Variants in EBF1 observed in about 807,000 individuals in gnomAD.
EBF1 encodes the protein EBF transcription factor 1, also known as transcription factor COE1.
In EBF1, 10 loss-of-function variants were observed where a neutral mutation model predicts 68.4. The ratio of observed to expected loss-of-function variants is 0.15; its 90% CI spans 0.09 to 0.25. The LOEUF (loss-of-function observed/expected upper bound fraction) is 0.25, where lower values mean the gene tolerates loss of function less well. EBF1 is among the 10% of genes least tolerant of loss of function. EBF1 has a pLI of 1.00. For synonymous variants in EBF1, 298 were observed against 299.8 expected, an observed-to-expected ratio of 0.99 and a Z score of 0.06; for missense variants, 509 against 794.4, an observed-to-expected ratio of 0.64 and a Z score of 4.32.
chr5:158,885,272 G>A (rs578147587), intron 6 of EBF1, among the ~76,000 whole-genome samples: 13 of 152,340 alleles, frequency 8.5e-5, no homozygotes, highest in South Asian at 6.2e-4. Flanking sequence ...TGGCTGTCAC[G>A]TGGAAGACAA....
intron 6 of EBF1, among the ~76,000 whole-genome samples, chr5:158,975,898 T>C (rs573304074): frequency 1.3e-5 from 2 of 152,300 alleles, no homozygotes; most frequent in East Asian, 3.9e-4. Context: ...CCCCATCCTC[T>C]CATTGGAGAT....
chr5:158,889,805 G>T (rs562682411), intron 6 of EBF1, among the ~76,000 whole-genome samples: 5 of 151,988 alleles, frequency 3.3e-5, no homozygotes, highest in Non-Finnish European at 7.4e-5. Context: ...TATCTATGGG[G>T]TTTCACATCC....
At chr5:158,757,208 A>T (rs1770317715) in intron 10 of EBF1, among the ~76,000 whole-genome samples, 1 of 152,146 alleles carries the variant, frequency 6.6e-6, no homozygotes, top group Non-Finnish European at 1.5e-5. Context: ...GGCATGCTAC[A>T]TGCATACATC....
At chr5:158,767,943 G>A (rs746876492) in intron 10 of EBF1, among the ~76,000 whole-genome samples, 3 of 152,082 alleles carry the variant, frequency 2.0e-5, no homozygotes, top group South Asian at 2.1e-4. Flanking sequence ...TTTAACTTAC[G>A]AAAAGTACAG....
Position 158,800,425 on chromosome 5 carries a change from T to C in EBF1, c.779-3950A>G, listed in dbSNP as rs1388098583. Reference sequence around the variant, plus strand: ...ACTGGGGTTGACAGAAAAGGAGGACTATTAACATTTATTCCCTATATATTT... The same window carrying C: ...ACTGGGGTTGACAGAAAAGGAGGACCATTAACATTTATTCCCTATATATTT... On this transcript the variant is annotated intron_variant, in intron 8 of 15. Transcript: ENST00000313708. Among the ~76,000 whole-genome samples, 4 of 152,300 alleles carry C rather than the reference T, an allele frequency of 2.6e-5. No individual in the cohort carries two copies. In the East Asian group the frequency reaches 7.7e-4, roughly 29 times the overall value.
At chr5:158,748,740 G>A (rs777688400) in intron 10 of EBF1, among the ~76,000 whole-genome samples, 2 of 152,160 alleles carry the variant, frequency 1.3e-5, no homozygotes, top group African/African-American at 2.4e-5. Context: ...CAAAATTGAC[G>A]TCCTCCCATC....
At chr5:159,015,690 C>T (rs1765494674) in intron 6 of EBF1, among the ~76,000 whole-genome samples, 1 of 152,192 alleles carries the variant, frequency 6.6e-6, no homozygotes, top group African/African-American at 2.4e-5. Flanking sequence ...CCAAAGCCCA[C>T]ATGAAGAACA....
chr5:158,908,977 C>T (rs368654059), intron 6 of EBF1, among the ~76,000 whole-genome samples: 2 of 152,338 alleles, frequency 1.3e-5, no homozygotes, highest in African/African-American at 4.8e-5. Context: ...AGTGCCCCTC[C>T]TGCCGTCTGT....
intron 6 of EBF1, among the ~76,000 whole-genome samples, chr5:159,010,913 G>A (rs974195300): frequency 2.6e-5 from 4 of 152,210 alleles, no homozygotes; most frequent in Non-Finnish European, 4.4e-5. Context: ...AGTAACCTTC[G>A]TGAATCTCCA....
At position 158,698,538 on chromosome 5, in the gene EBF1, C is replaced by T. The variant is rs1006914030; in HGVS notation, c.*573G>A. On this transcript the variant is annotated 3_prime_UTR_variant, in exon 16 of 16. Transcript: ENST00000313708. Reference sequence around the variant, plus strand: ...CATGTTAAGTTAGATATTGAAAATGCACTGTCTGAGCTAACTACCATTTGA... The same window carrying T: ...CATGTTAAGTTAGATATTGAAAATGTACTGTCTGAGCTAACTACCATTTGA... 7 of 220,914 alleles carry T rather than the reference C, an allele frequency of 3.2e-5. No individual in the cohort carries two copies. Among genetic ancestry groups the T allele is most frequent in the Admixed American group, 5.8e-5 (1 of 17,320 alleles). The allele number at this position is 220,914 out of a possible 1,614,324, so 13.7% of individuals were successfully genotyped here.
chr5:158,918,234 C>T (rs1221955873), intron 6 of EBF1, among the ~76,000 whole-genome samples: 1 of 152,206 alleles, frequency 6.6e-6, no homozygotes, highest in Non-Finnish European at 1.5e-5. Flanking sequence ...TATTTTGCAA[C>T]CTTGCTTATG....
At chr5:158,977,824 CAG>C (rs1757086129) in intron 6 of EBF1, among the ~76,000 whole-genome samples, 1 of 152,144 alleles carries the variant, frequency 6.6e-6, no homozygotes, top group Non-Finnish European at 1.5e-5. Flanking sequence ...CTTAAATAAA[CAG>C]GGTACCAGGC....
At chr5:158,870,358 T>C (rs1796671791) in intron 6 of EBF1, among the ~76,000 whole-genome samples, 1 of 152,172 alleles carries the variant, frequency 6.6e-6, no homozygotes, top group African/African-American at 2.4e-5. Context: ...TGGATGACAT[T>C]AGGCATTTTC....
chr5:159,047,909 C>G (rs1360491474), intron 6 of EBF1, among the ~76,000 whole-genome samples: 1 of 152,194 alleles, frequency 6.6e-6, no homozygotes, highest in Non-Finnish European at 1.5e-5. Context: ...ACATGTTCAG[C>G]ATCTTACAGA....
At chr5:159,025,731 G>A (rs1254247447) in intron 6 of EBF1, among the ~76,000 whole-genome samples, 7 of 152,130 alleles carry the variant, frequency 4.6e-5, no homozygotes, top group African/African-American at 1.7e-4. Flanking sequence ...CTCTTTCAAT[G>A]GGTCATCTCC....
intron 10 of EBF1, among the ~76,000 whole-genome samples, chr5:158,745,121 C>T (rs1359726872): frequency 2.6e-5 from 4 of 152,104 alleles, no homozygotes; most frequent in South Asian, 4.1e-4. Flanking sequence ...TGGTCCCCAG[C>T]GTCTTACAAT....
chr5:158,997,419 T>C (rs1333101607), intron 6 of EBF1, among the ~76,000 whole-genome samples: 1 of 152,138 alleles, frequency 6.6e-6, no homozygotes, highest in Non-Finnish European at 1.5e-5. Flanking sequence ...TTTCCAGTTA[T>C]CTAAAAATTG....
chr5:158,801,092 C>T (rs1780487838), intron 8 of EBF1, among the ~76,000 whole-genome samples: 1 of 152,054 alleles, frequency 6.6e-6, no homozygotes, highest in Non-Finnish European at 1.5e-5. Context: ...TTCCCCCACC[C>T]CTCACCAGCC....
chr5:158,742,849 A>C (rs1364860595), intron 10 of EBF1, among the ~76,000 whole-genome samples: 1 of 152,246 alleles, frequency 6.6e-6, no homozygotes, highest in Non-Finnish European at 1.5e-5. Flanking sequence ...TGAACAAAGG[A>C]GAAAAAAATA....
Sources: gnomAD v4.1 joint callset for allele counts (sites outside exome capture counted in the v4.1 genomes callset) on GRCh38, gnomAD v4.1.1 for gene constraint, MANE v1.5 for transcripts, NCBI Gene and HGNC (gene_info 2026-07-23, HGNC 2026-07-21) for gene names.